DNAH11: variants seen among roughly 807,000 people sequenced by gnomAD.
The protein encoded by DNAH11 is axonemal beta dynein heavy chain 11.
Under a neutral mutation model 526.0 loss-of-function variants are expected in DNAH11, and 442 were observed. The observed-to-expected ratio is 0.84, with a 90% CI of 0.78 to 0.91. The LOEUF is 0.91. Ranked by LOEUF, DNAH11 falls within the 40% of genes least tolerant of loss-of-function variation. The pLI, the probability that DNAH11 is intolerant of heterozygous loss-of-function variation, is 0.00. For missense variants in DNAH11, 6,989 were observed against 5,448.7 expected (o/e 1.28, Z -8.90); for synonymous variants, 2,461 against 1,935.9 (o/e 1.27, Z -7.12).
chr7:21,679,728 G>C (rs942933638), intron 30 of DNAH11, among the ~76,000 whole-genome samples: 6 of 152,184 alleles, frequency 3.9e-5, no homozygotes, highest in Admixed American at 3.9e-4. Flanking sequence ...GTGGAGGCTG[G>C]AGAGGGTCTT....
chr7:21,585,180 G>T (rs992169450), intron 9 of DNAH11, among the ~76,000 whole-genome samples: 6 of 152,108 alleles, frequency 3.9e-5, no homozygotes, highest in Non-Finnish European at 5.9e-5. Context: ...CTTGGCGGGG[G>T]TGTGGCATCA....
At chr7:21,804,032 G>T (rs1789128225) in intron 62 of DNAH11, among the ~76,000 whole-genome samples, 1 of 152,228 alleles carries the variant, frequency 6.6e-6, no homozygotes, top group Non-Finnish European at 1.5e-5. Flanking sequence ...AAACGAGGGG[G>T]TACGTGTTTC....
At chr7:21,850,608 CTTTTTT>C (rs3062635) in intron 66 of DNAH11, among the ~76,000 whole-genome samples, 3 of 62,658 alleles carry the variant, frequency 4.8e-5, no homozygotes, top group African/African-American at 6.5e-5. Flanking sequence ...CTGTCTTCTT[CTTTTTT>C]TTTTTTTTTT....
intron 34 of DNAH11, among the ~76,000 whole-genome samples, chr7:21,688,720 T>C (rs1783488490): frequency 6.6e-6 from 1 of 152,254 alleles, no homozygotes; most frequent in Non-Finnish European, 1.5e-5. Context: ...TGCAGTAACT[T>C]GGGCCAAGAC....
At position 21,559,615 on chromosome 7, in the gene DNAH11, C is replaced by T. The variant is rs10950854; in HGVS notation, c.705C>T (p.Asn235=). 701,996 of 1,593,732 alleles carry T rather than the reference C, an allele frequency of 0.44. 158,726 individuals are homozygous for T. Among genetic ancestry groups the T allele is most frequent in the East Asian group, 0.71 (31,333 of 44,432 alleles). The change falls in exon 4 of 82, where the codon AAC becomes AAT. Residue 235 remains asparagine, a synonymous_variant. Coordinates refer to ENST00000409508, the MANE Select transcript of DNAH11 (RefSeq NM_001277115.2). ...TTAATGTTTGTAGGCCACCGTCAAACGAAAGGATAATACTTCATGCAATTG... is the reference window on the plus strand; with the variant it reads ...TTAATGTTTGTAGGCCACCGTCAAATGAAAGGATAATACTTCATGCAATTG... The part of the protein sequence containing the change: ...QNCSENKPPS[N]ERIILHAIES...
Position 21,711,811 on chromosome 7 carries a change from T to A in DNAH11, c.6934T>A (p.Ser2312Thr), listed in dbSNP as rs1784474897. ...HLRSATPATV[S>T]RAGILYVNPQ... ...AAGGAGCGCAACCCCGGCCACTGTT[T>A]CCAGAGCTGGTATTCTGTATGTGAA... is the stretch of plus-strand genomic sequence containing the variant. The change falls in exon 42 of 82, where the codon TCC becomes ACC. Residue 2312 changes from serine (S) to threonine (T), a missense_variant. Transcript: ENST00000409508. The A allele has an allele frequency of 6.2e-7, 1 of 1,613,752 alleles. No individual in the cohort carries two copies. The highest frequency in any genetic ancestry group is 1.1e-5 in the South Asian group (1 of 91,086).
intron 20 of DNAH11, among the ~76,000 whole-genome samples, chr7:21,607,101 G>A (rs1170982749): frequency 6.6e-6 from 1 of 152,156 alleles, no homozygotes; most frequent in Non-Finnish European, 1.5e-5. Flanking sequence ...CTCAAAAGTA[G>A]GGGAGCCAGC....
At chr7:21,662,558 A>T (rs999817245) in intron 30 of DNAH11, among the ~76,000 whole-genome samples, 14 of 152,170 alleles carry the variant, frequency 9.2e-5, no homozygotes, top group Admixed American at 9.2e-4. Context: ...TGTATGATGG[A>T]ATGGCTAAAT....
At chr7:21,826,400 G>A (rs934939333) in intron 65 of DNAH11, among the ~76,000 whole-genome samples, 3 of 152,176 alleles carry the variant, frequency 2.0e-5, no homozygotes, top group Admixed American at 6.5e-5. Flanking sequence ...TTTCAATGCA[G>A]TAAAAGTTGG....
chr7:21,635,629 G>T (rs1786825669), intron 25 of DNAH11, among the ~76,000 whole-genome samples: 1 of 92,228 alleles, frequency 1.1e-5, no homozygotes. Context: ...AAAGACATAT[G>T]AGGAGATAAC....
rs1281119218 is a variant in DNAH11, at chr7:21,807,902, A to G, written c.10185A>G (p.Gln3395=). 3.1e-6 allele frequency: 5 copies of G among 1,601,792 alleles called. No individual in the cohort carries two copies. Among genetic ancestry groups the G allele is most frequent in the South Asian group, 1.1e-5 (1 of 90,060 alleles). Reference sequence around the variant, plus strand: ...AGTCAGAGAAGATTCGCTGGGGTCAATCCATTAAGTCCTTTGAAGCTCAAG... The same window carrying G: ...AGTCAGAGAAGATTCGCTGGGGTCAGTCCATTAAGTCCTTTGAAGCTCAAG... ...ELEAKKIRWG[Q]SIKSFEAQEK... Residue 3395 remains glutamine (Q), a synonymous_variant, in exon 63 of 82, where the codon CAA becomes CAG. Transcript: ENST00000409508.
intron 2 of DNAH11, among the ~76,000 whole-genome samples, chr7:21,556,085 T>G (rs1478011635): frequency 6.6e-6 from 1 of 152,200 alleles, no homozygotes; most frequent in Non-Finnish European, 1.5e-5. Flanking sequence ...TTGAGTACTA[T>G]GGGGTTACAA....
At chr7:21,762,492 C>T (rs150494324) in intron 54 of DNAH11, among the ~76,000 whole-genome samples, 92 of 152,238 alleles carry the variant, frequency 6.0e-4, no homozygotes, top group African/African-American at 2.2e-3. Context: ...GGGAAACCAA[C>T]TTCTTGGGAA....
chr7:21,731,910 T>C (rs1174990509), intron 45 of DNAH11, among the ~76,000 whole-genome samples: 1 of 152,202 alleles, frequency 6.6e-6, no homozygotes, highest in Non-Finnish European at 1.5e-5. Flanking sequence ...GTAGTGCTGC[T>C]GACAGAATTG....
intron 60 of DNAH11, among the ~76,000 whole-genome samples, chr7:21,788,431 G>T (rs183853834): frequency 6.6e-6 from 1 of 151,876 alleles, no homozygotes; most frequent in Non-Finnish European, 1.5e-5. Flanking sequence ...GTTGATGTAC[G>T]GCCTCTCTGC....
intron 9 of DNAH11, among the ~76,000 whole-genome samples, chr7:21,585,395 A>T (rs921743425): frequency 6.6e-6 from 1 of 152,182 alleles, no homozygotes; most frequent in South Asian, 2.1e-4. Context: ...GGATAGAATG[A>T]TGAGCTCAGA....
chr7:21,584,267 T>C (rs1784411353), intron 9 of DNAH11, among the ~76,000 whole-genome samples: 1 of 152,224 alleles, frequency 6.6e-6, no homozygotes, highest in South Asian at 2.1e-4. Context: ...AATGAGTTCA[T>C]GTCCTTTGCA....
chr7:21,736,793 A>G (rs1323481716), intron 46 of DNAH11, among the ~76,000 whole-genome samples: 4 of 152,160 alleles, frequency 2.6e-5, no homozygotes, highest in Non-Finnish European at 5.9e-5. Flanking sequence ...GTTTGAGTCC[A>G]GCCCGGGCAA....
chr7:21,896,662 C>A (rs906301849), intron 79 of DNAH11, among the ~76,000 whole-genome samples: 1 of 152,152 alleles, frequency 6.6e-6, no homozygotes, highest in African/African-American at 2.4e-5. Context: ...TCTGCCTGAC[C>A]TCTTAACGTT....
Sources: allele counts gnomAD v4.1 joint callset (sites outside exome capture counted in the v4.1 genomes callset), GRCh38; gene constraint gnomAD v4.1.1; transcripts MANE v1.5; gene names NCBI Gene and HGNC (gene_info 2026-07-23, HGNC 2026-07-21).